The following LDAH variants were observed in gnomAD, a reference collection of about 807,000 sequenced individuals.
LDAH encodes lipid droplet associated hydrolase.
LDAH carries 26 observed loss-of-function variants against 29.6 expected under a neutral mutation model. The observed-to-expected ratio is 0.88, with a 90% confidence interval of 0.64 to 1.22. The LOEUF is 1.22. LDAH is among the 50% of genes most tolerant of loss of function. The pLI is 0.00. For synonymous variants in LDAH, 117 were observed against 133.0 expected (o/e 0.88, Z 0.83); for missense variants, 344 against 387.3 (o/e 0.89, Z 0.94).
At chr2:20,815,955 A>G (rs1672818610) in intron 1 of LDAH, among the ~76,000 whole-genome samples, 2 of 152,116 alleles carry the variant, frequency 1.3e-5, no homozygotes, top group South Asian at 4.1e-4. Flanking sequence ...GTGGTGTTCA[A>G]GGTGTATAGA....
intron 2 of LDAH, among the ~76,000 whole-genome samples, chr2:20,795,975 AC>A (rs1671280044): frequency 6.6e-6 from 1 of 151,782 alleles, no homozygotes; most frequent in African/African-American, 2.4e-5. Context: ...ACACACACAC[AC>A]ACACACACAA....
intron 6 of LDAH, among the ~76,000 whole-genome samples, chr2:20,699,997 G>C (rs1012331551): frequency 1.3e-5 from 2 of 152,184 alleles, no homozygotes; most frequent in Non-Finnish European, 2.9e-5. Context: ...CACATGATGG[G>C]TCTAGTTGTT....
intron 1 of LDAH, among the ~76,000 whole-genome samples, chr2:20,809,533 T>C (rs547746141): frequency 2.0e-5 from 3 of 152,260 alleles, no homozygotes; most frequent in South Asian, 2.1e-4. Flanking sequence ...CACACACATA[T>C]ATACACATAT....
At chr2:20,713,711 C>CA (rs1211381278) in intron 5 of LDAH, among the ~76,000 whole-genome samples, 11 of 151,128 alleles carry the variant, frequency 7.3e-5, no homozygotes, top group East Asian at 1.9e-4. Flanking sequence ...AAATGGAAAG[C>CA]AAAAAAAAGC....
chr2:20,739,785 T>A (rs1667042783), intron 5 of LDAH, among the ~76,000 whole-genome samples, 186 bp downstream of exon 5: 1 of 152,220 alleles, frequency 6.6e-6, no homozygotes, highest in Non-Finnish European at 1.5e-5. Context: ...GATGAGGCTT[T>A]TCTAATTTCT....
At chr2:20,708,807 C>T (rs1664494328) in intron 5 of LDAH, among the ~76,000 whole-genome samples, 2 of 151,922 alleles carry the variant, frequency 1.3e-5, no homozygotes, top group Admixed American at 6.6e-5. Context: ...GCACAAGTGA[C>T]AAAAATAAAT....
At chr2:20,727,559 G>C (rs1666105230) in intron 5 of LDAH, among the ~76,000 whole-genome samples, 1 of 152,050 alleles carries the variant, frequency 6.6e-6, no homozygotes, top group Admixed American at 6.6e-5. Context: ...TTTCTAGTTA[G>C]GTAACTGAAA....
chr2:20,704,308 C>T (rs558365422), intron 5 of LDAH, among the ~76,000 whole-genome samples: 23 of 152,286 alleles, frequency 1.5e-4, no homozygotes, highest in African/African-American at 5.5e-4. Context: ...GATATTTAGT[C>T]GCAGTTATAT....
chr2:20,819,487 C>A (rs1572702262), intron 1 of LDAH, among the ~76,000 whole-genome samples: 1 of 152,266 alleles, frequency 6.6e-6, no homozygotes, highest in East Asian at 1.9e-4. Flanking sequence ...TAAACGTAAT[C>A]CAGCATATAA....
chr2:20,769,768 G>A (rs187879585), intron 4 of LDAH, among the ~76,000 whole-genome samples: 1 of 152,250 alleles, frequency 6.6e-6, no homozygotes, highest in Non-Finnish European at 1.5e-5. Context: ...AAAAGGCTGA[G>A]TGATAACAAT....
intron 4 of LDAH, among the ~76,000 whole-genome samples, chr2:20,768,619 T>C (rs1226603778): frequency 6.6e-6 from 1 of 151,934 alleles, no homozygotes; most frequent in Non-Finnish European, 1.5e-5. Context: ...TCAGGCAGAG[T>C]CGGTGGAACG....
At chr2:20,690,504 G>A (rs980644960) in intron 6 of LDAH, among the ~76,000 whole-genome samples, 1 of 152,030 alleles carries the variant, frequency 6.6e-6, no homozygotes. Context: ...TTCTCTAAAG[G>A]GCTTCCTATG....
intron 4 of LDAH, among the ~76,000 whole-genome samples, chr2:20,745,555 G>T (rs1024941713): frequency 1.3e-5 from 2 of 152,020 alleles, no homozygotes; most frequent in African/African-American, 4.8e-5. Flanking sequence ...AGCATGTAAG[G>T]TACTGCATAA....
At chr2:20,776,231 T>A (rs924590035) in intron 3 of LDAH, among the ~76,000 whole-genome samples, 3 of 152,038 alleles carry the variant, frequency 2.0e-5, no homozygotes, top group Admixed American at 1.3e-4. Context: ...TGTATATGGT[T>A]TTTTTTGTGT....
At chr2:20,821,726 T>A (rs891543906) in intron 1 of LDAH, among the ~76,000 whole-genome samples, 4 of 152,076 alleles carry the variant, frequency 2.6e-5, no homozygotes, top group Non-Finnish European at 5.9e-5. Flanking sequence ...GTAACAAACC[T>A]GCACGTTGTG....
intron 4 of LDAH, among the ~76,000 whole-genome samples, chr2:20,762,182 A>T (rs1454991568): frequency 6.6e-6 from 1 of 152,130 alleles, no homozygotes; most frequent in Admixed American, 6.5e-5. Flanking sequence ...TTAAGGTTGG[A>T]CATTAGGATG....
chr2:20,729,790 A>ATATG (rs1191196267), intron 5 of LDAH, among the ~76,000 whole-genome samples: 1 of 152,102 alleles, frequency 6.6e-6, no homozygotes, highest in African/African-American at 2.4e-5. Context: ...TACAGCCAGG[A>ATATG]TATGTATGTA....
At chr2:20,804,252 T>C (rs1216980926) in intron 1 of LDAH, among the ~76,000 whole-genome samples, 1 of 152,184 alleles carries the variant, frequency 6.6e-6, no homozygotes, top group Non-Finnish European at 1.5e-5. Flanking sequence ...TAGGTTGTAG[T>C]GAAATGGGAA....
intron 6 of LDAH, among the ~76,000 whole-genome samples, chr2:20,697,980 ACTG>A (rs938231376): frequency 2.0e-4 from 31 of 152,322 alleles, no homozygotes; most frequent in African/African-American, 7.5e-4. Context: ...AAAAATTCTG[ACTG>A]CTATTATATC....
Sources: gnomAD v4.1 joint callset for allele counts (sites outside exome capture counted in the v4.1 genomes callset) on GRCh38, gnomAD v4.1.1 for gene constraint, MANE v1.5 for transcripts, NCBI Gene and HGNC (gene_info 2026-07-23, HGNC 2026-07-21) for gene names.